TXNRD3: variants seen among roughly 807,000 people sequenced by gnomAD.
The protein encoded by TXNRD3 is thioredoxin reductase 3.
In TXNRD3, 68 loss-of-function variants were observed where a neutral mutation model predicts 78.2. That is an observed-to-expected ratio of 0.87 (90% CI 0.72 to 1.06). The LOEUF is 1.06. TXNRD3 is among the 50% of genes least tolerant of loss of function. The probability of loss-of-function intolerance (pLI) is 0.00; values close to 1 mark genes in which losing one functional copy is unlikely to be tolerated. For synonymous variants in TXNRD3, 296 were observed against 300.1 expected (o/e 0.99, Z 0.14); for missense variants, 751 against 809.5 (o/e 0.93, Z 0.88).
intron 7 of TXNRD3, among the ~76,000 whole-genome samples, chr3:126,632,825 G>A (rs1365308946): frequency 6.6e-6 from 1 of 152,292 alleles, no homozygotes; most frequent in South Asian, 2.1e-4. Flanking sequence ...GAAGGGCTCT[G>A]AAACAGACAA....
chr3:126,645,522 G>C (rs1933205102), intron 3 of TXNRD3, among the ~76,000 whole-genome samples: 1 of 152,060 alleles, frequency 6.6e-6, no homozygotes, highest in African/African-American at 2.4e-5. Context: ...CTTAATTAAA[G>C]TCTCAAATAC....
At chr3:126,638,067 C>T (rs1274661877) in intron 6 of TXNRD3, among the ~76,000 whole-genome samples, 1 of 150,484 alleles carries the variant, frequency 6.6e-6, no homozygotes, top group African/African-American at 2.4e-5. Context: ...CCTCAACCTC[C>T]CGAGTAGCTG....
At position 126,643,999 on chromosome 3, in the gene TXNRD3, G is replaced by A; in HGVS notation, c.574C>T (p.Pro192Ser). 1.3e-6 allele frequency: 2 copies of A among 1,536,054 alleles called. No homozygotes were observed. The highest frequency in any genetic ancestry group is 1.2e-5 in the South Asian group (1 of 84,044). The change falls in exon 5 of 16, where the codon CCT (proline) becomes TCT (serine). Residue 192 changes from proline to serine, a missense_variant. Physicochemically the swap from Pro to Ser is moderately conservative, Grantham distance 74. Coordinates refer to ENST00000524230, the MANE Select transcript of TXNRD3 (RefSeq NM_052883.3). The stretch of plus-strand genomic sequence containing the variant: ...AACTTACCCCAGGATGTGCCCTGAG[G>A]TGACGGGACAACAAAGTCTAGCACC...
At chr3:126,622,900 AGAG>A (rs894103434) in intron 10 of TXNRD3, among the ~76,000 whole-genome samples, 5 of 152,182 alleles carry the variant, frequency 3.3e-5, no homozygotes, top group African/African-American at 9.7e-5. Flanking sequence ...TGCTATAAGA[AGAG>A]GAGGACATGG....
intron 11 of TXNRD3, among the ~76,000 whole-genome samples, chr3:126,622,144 A>G (rs1938472363): frequency 6.6e-6 from 1 of 152,208 alleles, no homozygotes; most frequent in Non-Finnish European, 1.5e-5. Context: ...GACTGCCTCC[A>G]CAGACTCACT....
chr3:126,630,633 A>G, intron 9 of TXNRD3, 79 bp downstream of exon 9: 1 of 1,361,480 alleles, frequency 7.3e-7, no homozygotes. Context: ...ATACAGACTA[A>G]TTTATGTAAT....
chr3:126,623,236 C>A (rs941293253), intron 10 of TXNRD3, among the ~76,000 whole-genome samples: 1 of 152,076 alleles, frequency 6.6e-6, no homozygotes, highest in African/African-American at 2.4e-5. Flanking sequence ...AATTCCAGAC[C>A]CAGACAGCTT....
chr3:126,635,086 C>T (rs1938823487), intron 6 of TXNRD3, among the ~76,000 whole-genome samples: 1 of 152,190 alleles, frequency 6.6e-6, no homozygotes, highest in South Asian at 2.1e-4. Flanking sequence ...GATTCCCGAA[C>T]CTGTCCCAGC....
In TXNRD3 at chr3:126,632,468, C is replaced by A. The variant is rs112414034; in HGVS notation, c.856-589G>T. 4.5e-3 allele frequency among the ~76,000 whole-genome samples: 683 copies of A among 151,922 alleles called. 2 individuals carry two copies. Among genetic ancestry groups the A allele is most frequent in the Non-Finnish European group, 7.5e-3 (511 of 67,932 alleles). On this transcript the variant is annotated intron_variant, in intron 7 of 15. Transcript: ENST00000524230. ...GGTCAGGAGTTCGAGACCAGCCTGG[C>A]CAACATGGTGAAACCCCATCTCTAC...
chr3:126,625,675 T>C (rs552040012), intron 10 of TXNRD3, among the ~76,000 whole-genome samples: 6 of 152,296 alleles, frequency 3.9e-5, no homozygotes, highest in Non-Finnish European at 7.3e-5. Context: ...TACCCAGTAA[T>C]GGGATGGCTG....
chr3:126,628,032 T>C (rs978254044), intron 10 of TXNRD3, among the ~76,000 whole-genome samples: 11 of 152,164 alleles, frequency 7.2e-5, no homozygotes, highest in African/African-American at 2.7e-4. Flanking sequence ...TGGTTGAATA[T>C]TAGAAAATCA....
chr3:126,654,147 T>C (rs1214392979), intron 1 of TXNRD3, among the ~76,000 whole-genome samples: 3 of 152,182 alleles, frequency 2.0e-5, no homozygotes, highest in Non-Finnish European at 4.4e-5. Context: ...GCATAATATA[T>C]GTTTTAAGAA....
chr3:126,609,161 GC>G, intron 14 of TXNRD3: 1 of 445,872 alleles, frequency 2.2e-6, no homozygotes, highest in Non-Finnish European at 4.5e-6. Context: ...AGCAAGATGT[GC>G]AGTCGTTTTC....
chr3:126,611,125 T>C lies in TXNRD3; in HGVS notation c.1640A>G (p.His547Arg). 2 of 1,516,372 alleles carry C rather than the reference T, an allele frequency of 1.3e-6. No homozygotes were observed. Among genetic ancestry groups the C allele is most frequent in the Non-Finnish European group, 1.8e-6 (2 of 1,136,810 alleles). 93.9% of individuals were successfully genotyped at this position (1,516,372 alleles called of 1,614,324 possible). A position where few individuals can be genotyped will look rare whatever the true frequency, so the allele number is the denominator to read the frequency against. Residue 547 changes from histidine (H) to arginine (R), a missense_variant, in exon 14 of 16, where the codon CAT becomes CGT. By Grantham distance (29) the His-to-Arg change is conservative (BLOSUM62 0). Coordinates refer to ENST00000524230, the MANE Select transcript of TXNRD3 (RefSeq NM_052883.3). ...CCATTCAAGAGGCCAGAACAAAGTATGATATATCTGGAAGATAAAAGAGAG... is the reference window on the plus strand; with the variant it reads ...CCATTCAAGAGGCCAGAACAAAGTACGATATATCTGGAAGATAAAAGAGAG...
In TXNRD3 at chr3:126,629,379, T is replaced by C. The variant is rs1469153691; in HGVS notation, c.1290A>G (p.Thr430=). ...TAGTAATGATAAAATAAAAACTCAC[T>C]GTGTTATAGACTCCTTCAATTGTTT... Residue 430 remains threonine (T), a splice_region_variant and synonymous_variant, in exon 10 of 16, where the codon ACA becomes ACG. Coordinates refer to ENST00000524230, the MANE Select transcript of TXNRD3 (RefSeq NM_052883.3). 4 of 1,527,756 alleles carry C rather than the reference T, an allele frequency of 2.6e-6. No individual in the cohort carries two copies. In the Admixed American group the frequency reaches 6.0e-5, roughly 23 times the overall value. 94.6% of individuals were successfully genotyped at this position (1,527,756 alleles called of 1,614,324 possible). A position where few individuals can be genotyped will look rare whatever the true frequency, so the allele number is the denominator to read the frequency against.
intron 12 of TXNRD3, 22 bp downstream of exon 12, chr3:126,621,720 T>A (rs1239869142): frequency 6.8e-7 from 1 of 1,469,916 alleles, no homozygotes; most frequent in Non-Finnish European, 8.9e-7. Flanking sequence ...GGACATTATC[T>A]CAAAAACAGT....
At chr3:126,615,746 G>A (rs190498033) in intron 12 of TXNRD3, among the ~76,000 whole-genome samples, 1 of 152,236 alleles carries the variant, frequency 6.6e-6, no homozygotes, top group African/African-American at 2.4e-5. Flanking sequence ...GGTGGAGGTG[G>A]TGCCATCCAT....
chr3:126,623,644 ACT>A (rs1443322257), intron 10 of TXNRD3, among the ~76,000 whole-genome samples: 2 of 152,138 alleles, frequency 1.3e-5, no homozygotes, highest in Non-Finnish European at 2.9e-5. Context: ...AAATTAAAAC[ACT>A]CTTTCATAAT....
At position 126,633,971 on chromosome 3, in the gene TXNRD3, TCAGAGA is replaced by T. The variant is rs1270120129; in HGVS notation, c.787_792del (p.Ser263_Leu264del). 1 of 1,523,704 alleles carries T rather than the reference TCAGAGA, an allele frequency of 6.6e-7. No homozygotes were observed. The highest frequency in any genetic ancestry group is 2.5e-5 in the East Asian group (1 of 40,700). The allele number at this position is 1,523,704 out of a possible 1,614,324, so 94.4% of individuals were successfully genotyped here. A position where few individuals can be genotyped will look rare whatever the true frequency, so the allele number is the denominator to read the frequency against. On this transcript the variant is annotated inframe_deletion, in exon 7 of 16. Coordinates refer to ENST00000524230, the MANE Select transcript of TXNRD3 (RefSeq NM_052883.3). ...TTGACATAGGCCACAGCCTTTTCCC[TCAGAGA>T]CAACCTGTAGCCCCAGTTTAGAGAG...
Sources: allele counts gnomAD v4.1 joint callset (sites outside exome capture counted in the v4.1 genomes callset), GRCh38; gene constraint gnomAD v4.1.1; transcripts MANE v1.5; gene names NCBI Gene and HGNC (gene_info 2026-07-23, HGNC 2026-07-21).